Variants in GPC6 observed in about 807,000 individuals in gnomAD.
The protein encoded by GPC6 is glypican 6, also known as glypican-6.
Under a neutral mutation model 55.2 loss-of-function variants are expected in GPC6, and 14 were observed. That is an observed-to-expected ratio of 0.25 (90% confidence interval 0.17 to 0.40). The LOEUF (loss-of-function observed/expected upper bound fraction) is 0.40, where lower values mean the gene tolerates loss of function less well. GPC6 is among the 10% of genes least tolerant of loss of function. The pLI is 1.00. For missense variants in GPC6, 641 were observed against 708.5 expected (o/e 0.90, Z 1.08); for synonymous variants, 278 against 259.6 (o/e 1.07, Z -0.68).
At chr13:94,389,737 G>C (rs897453736) in intron 7 of GPC6, among the ~76,000 whole-genome samples, 1 of 152,158 alleles carries the variant, frequency 6.6e-6, no homozygotes, top group Non-Finnish European at 1.5e-5. Flanking sequence ...TATCTGATAG[G>C]ACATAAATTA....
At chr13:94,331,197 G>A (rs993117279) in intron 6 of GPC6, among the ~76,000 whole-genome samples, 1 of 152,064 alleles carries the variant, frequency 6.6e-6, no homozygotes, top group Non-Finnish European at 1.5e-5. Flanking sequence ...CCTACGGGCC[G>A]AGCCACCTAT....
rs1168912155 is a variant in GPC6, at chr13:93,316,642, TA to T, written c.160+89030del. On this transcript the variant is annotated intron_variant, in intron 1 of 8. Transcript: ENST00000377047. ...AGCAATCACTAAATAATAGTTAAAATAAAAGAACCATCTCTTTAGCCCTTAT... is the reference window on the plus strand; with the variant it reads ...AGCAATCACTAAATAATAGTTAAAATAAAGAACCATCTCTTTAGCCCTTAT... 3.3e-5 allele frequency among the ~76,000 whole-genome samples: 5 copies of T among 152,168 alleles called. No individual in the cohort carries two copies. The South Asian group carries it at 8.3e-4, about 25-fold the overall frequency.
At chr13:94,253,312 T>G (rs1413614645) in intron 4 of GPC6, among the ~76,000 whole-genome samples, 2 of 152,124 alleles carry the variant, frequency 1.3e-5, no homozygotes, top group Non-Finnish European at 2.9e-5. Flanking sequence ...AGTGACTATC[T>G]TCCTAGATTG....
intron 4 of GPC6, among the ~76,000 whole-genome samples, chr13:94,189,860 A>G (rs184504778): frequency 1.3e-5 from 2 of 152,148 alleles, no homozygotes; most frequent in East Asian, 3.9e-4. Flanking sequence ...TCTCTACTAA[A>G]AATACAAAAA....
intron 4 of GPC6, among the ~76,000 whole-genome samples, chr13:94,193,452 G>T (rs1326237982): frequency 6.6e-6 from 1 of 152,188 alleles, no homozygotes; most frequent in Non-Finnish European, 1.5e-5. Context: ...TGCTTTGAAT[G>T]GTTTCGGCAA....
chr13:93,954,913 G>C (rs1375332504), intron 3 of GPC6, among the ~76,000 whole-genome samples: 1 of 152,132 alleles, frequency 6.6e-6, no homozygotes, highest in Non-Finnish European at 1.5e-5. Flanking sequence ...TGGGAACAAA[G>C]AGACTTGTCA....
At chr13:94,106,995 C>T (rs1886076935) in intron 4 of GPC6, among the ~76,000 whole-genome samples, 1 of 152,086 alleles carries the variant, frequency 6.6e-6, no homozygotes. Flanking sequence ...AAAGCAAACA[C>T]AGATGTTCAG....
intron 1 of GPC6, among the ~76,000 whole-genome samples, chr13:93,426,082 A>G (rs1328374299): frequency 2.0e-5 from 3 of 152,116 alleles, no homozygotes; most frequent in Admixed American, 6.6e-5. Flanking sequence ...ATATAATTAC[A>G]TGTTTACATG....
At chr13:93,778,494 G>A (rs567799592) in intron 2 of GPC6, among the ~76,000 whole-genome samples, 1 of 152,264 alleles carries the variant, frequency 6.6e-6, no homozygotes, top group African/African-American at 2.4e-5. Context: ...GGGGAGAGGT[G>A]AGAAAGGAGA....
At chr13:94,020,935 T>C (rs118135978) in intron 3 of GPC6, among the ~76,000 whole-genome samples, 2,209 of 152,260 alleles carry the variant, frequency 0.015, 24 homozygotes, top group Non-Finnish European at 0.024. Flanking sequence ...ATACTTTACA[T>C]GTAATTTAAT....
intron 4 of GPC6, among the ~76,000 whole-genome samples, chr13:94,127,088 C>A (rs1886846500): frequency 1.3e-5 from 2 of 152,006 alleles, no homozygotes; most frequent in Non-Finnish European, 2.9e-5. Context: ...TAGGATGTCA[C>A]AACTGAACTG....
chr13:94,082,447 C>G (rs766885643), intron 4 of GPC6, among the ~76,000 whole-genome samples: 1 of 152,158 alleles, frequency 6.6e-6, no homozygotes, highest in African/African-American at 2.4e-5. Context: ...CCAGTTTCCT[C>G]GCTATCCCTT....
intron 1 of GPC6, among the ~76,000 whole-genome samples, chr13:93,529,510 CTTT>C (rs1165594323): frequency 2.3e-5 from 2 of 85,190 alleles, no homozygotes; most frequent in Admixed American, 1.5e-4. Flanking sequence ...CTCTGAGATT[CTTT>C]TTTTTTTTTT....
chr13:94,342,363 C>T (rs1379674275), intron 6 of GPC6, among the ~76,000 whole-genome samples: 3 of 152,050 alleles, frequency 2.0e-5, no homozygotes, highest in Middle Eastern at 3.2e-3. Flanking sequence ...TGACTGGCTT[C>T]CTAATAAGAA....
At chr13:94,110,062 T>TAAAAA (rs78404632) in intron 4 of GPC6, among the ~76,000 whole-genome samples, 42 of 84,178 alleles carry the variant, frequency 5.0e-4, no homozygotes, top group Non-Finnish European at 6.4e-4. Context: ...CACCCTGGAC[T>TAAAAA]AAAAAAAAAA....
intron 8 of GPC6, among the ~76,000 whole-genome samples, chr13:94,401,493 A>T (rs1157344765): frequency 6.6e-6 from 1 of 152,008 alleles, no homozygotes; most frequent in Admixed American, 6.6e-5. Context: ...GGACGATGCT[A>T]CCCTGGGTCG....
chr13:93,483,071 T>C (rs992055098), intron 1 of GPC6, among the ~76,000 whole-genome samples: 1 of 152,204 alleles, frequency 6.6e-6, no homozygotes, highest in Non-Finnish European at 1.5e-5. Context: ...GGAGATTTTC[T>C]GACTTTGATC....
chr13:94,207,531 A>G (rs1889940668), intron 4 of GPC6, among the ~76,000 whole-genome samples: 1 of 152,218 alleles, frequency 6.6e-6, no homozygotes, highest in African/African-American at 2.4e-5. Flanking sequence ...GAAGTGGACT[A>G]TGACAAGTGG....
chr13:93,459,956 A>G (rs951467087), intron 1 of GPC6, among the ~76,000 whole-genome samples: 3 of 152,186 alleles, frequency 2.0e-5, no homozygotes, highest in Non-Finnish European at 4.4e-5. Context: ...AATCAATGAC[A>G]CCTGTTCACA....
Sources: allele counts gnomAD v4.1 joint callset (sites outside exome capture counted in the v4.1 genomes callset), GRCh38; gene constraint gnomAD v4.1.1; transcripts MANE v1.5; gene names NCBI Gene and HGNC (gene_info 2026-07-23, HGNC 2026-07-21).